Variants in VAC14 observed in about 807,000 individuals in gnomAD.
VAC14 encodes VAC14 component of PIKFYVE complex.
A neutral mutation model predicts 85.3 loss-of-function variants in VAC14; 47 were observed. That is an observed-to-expected ratio of 0.55 (90% confidence interval 0.44 to 0.70). The LOEUF (loss-of-function observed/expected upper bound fraction) is 0.70, where lower values mean the gene tolerates loss of function less well. VAC14 is among the 30% of genes least tolerant of loss of function. The pLI, the probability that VAC14 is intolerant of heterozygous loss-of-function variation, is 0.00. For missense variants in VAC14, 861 were observed against 1,004.3 expected (o/e 0.86, Z 1.93); for synonymous variants, 447 against 430.5 (o/e 1.04, Z -0.47).
chr16:70,726,061 A>G (rs2054419234), intron 14 of VAC14, among the ~76,000 whole-genome samples: 1 of 152,274 alleles, frequency 6.6e-6, no homozygotes, highest in Admixed American at 6.5e-5. Context: ...TTCCCAGCAC[A>G]GAAGCAGGCC....
intron 12 of VAC14, among the ~76,000 whole-genome samples, chr16:70,758,751 C>G (rs758906464): frequency 9.2e-5 from 14 of 152,198 alleles, no homozygotes; most frequent in Admixed American, 2.6e-4. Context: ...GAGCACGCAC[C>G]CTGCATTCTG....
chr16:70,711,882 G>A (rs1406252657), intron 14 of VAC14, among the ~76,000 whole-genome samples: 1 of 152,206 alleles, frequency 6.6e-6, no homozygotes, highest in Admixed American at 6.5e-5. Context: ...ATACTCACCA[G>A]TGGTAACAAA....
chr16:70,731,809 C>A (rs2054600305), intron 13 of VAC14, among the ~76,000 whole-genome samples, 182 bp from the exon 14 acceptor site: 1 of 151,962 alleles, frequency 6.6e-6, no homozygotes, highest in Non-Finnish European at 1.5e-5. Context: ...CAAGTCTGCA[C>A]AAGCAAATAC....
At chr16:70,693,833 G>A (rs2053649374) in intron 17 of VAC14, among the ~76,000 whole-genome samples, 1 of 152,222 alleles carries the variant, frequency 6.6e-6, no homozygotes, top group Non-Finnish European at 1.5e-5. Flanking sequence ...TTTGGGAGAG[G>A]GACTATGTCA....
chr16:70,780,293 G>C (rs1453103016), intron 9 of VAC14, among the ~76,000 whole-genome samples: 1 of 152,118 alleles, frequency 6.6e-6, no homozygotes, highest in African/African-American at 2.4e-5. Flanking sequence ...ATAAATCGAA[G>C]CTAGAGCTTT....
intron 14 of VAC14, among the ~76,000 whole-genome samples, chr16:70,721,089 G>C (rs1014632880): frequency 7.9e-5 from 12 of 152,346 alleles, no homozygotes; most frequent in African/African-American, 2.9e-4. Flanking sequence ...TTGAGCAAGA[G>C]TCAAAAGGGA....
chr16:70,708,221 A>C (rs2053959854), intron 14 of VAC14, among the ~76,000 whole-genome samples: 1 of 151,910 alleles, frequency 6.6e-6, no homozygotes, highest in African/African-American at 2.4e-5. Context: ...GCTAGTTCCC[A>C]CCAATTTCCT....
At chr16:70,776,523 G>C (rs61075342) in intron 9 of VAC14, among the ~76,000 whole-genome samples, 7,806 of 152,186 alleles carry the variant, frequency 0.051, 570 homozygotes, top group African/African-American at 0.16. Context: ...ACTCTTTAAT[G>C]ACAAAATACA....
Position 70,690,171 on chromosome 16 carries a change from G to A in VAC14, c.2187-2081C>T, listed in dbSNP as rs1360758880. The stretch of plus-strand genomic sequence containing the variant: ...GAAGAGTGGGCCACATCTGCTCCCT[G>A]GGCCCTTAGGGTGGCAAGAAGTCCT... On this transcript the variant is annotated intron_variant, in intron 18 of 18. Coordinates refer to ENST00000261776, the MANE Select transcript of VAC14 (RefSeq NM_018052.5). 19 of 985,370 alleles carry A rather than the reference G, an allele frequency of 1.9e-5. No homozygotes were observed. In the South Asian group the frequency reaches 2.3e-4, roughly 12 times the overall value. 61.0% of individuals were successfully genotyped at this position (985,370 alleles called of 1,614,324 possible).
rs565705383 is a variant in VAC14 at position 70,687,517 on chromosome 16, A to T, written c.*411T>A. The T allele has an allele frequency of 1.3e-3, 185 of 140,252 alleles. 1 individual carries two copies. The highest frequency in any genetic ancestry group is 4.7e-3 in the African/African-American group (178 of 37,508). The allele number at this position is 140,252 out of a possible 1,614,324, so 8.7% of individuals were successfully genotyped here. A position where few individuals can be genotyped will look rare whatever the true frequency, so the allele number is the denominator to read the frequency against. ...GATCTTTGTGCTGGTGCCTACGTGC[A>T]TACAAGTACACACACACACACACAC... On this transcript the variant is annotated 3_prime_UTR_variant, in exon 19 of 19. Coordinates refer to ENST00000261776, the MANE Select transcript of VAC14 (RefSeq NM_018052.5).
At chr16:70,800,704 A>G in intron 1 of VAC14, 93 bp downstream of exon 1, 1 of 1,155,648 alleles carries the variant, frequency 8.7e-7, no homozygotes, top group Non-Finnish European at 1.3e-6. Context: ...AAACCTGGGA[A>G]AGTAACCCTG....
chr16:70,719,039 T>C (rs1394757275), intron 14 of VAC14, among the ~76,000 whole-genome samples: 1 of 152,190 alleles, frequency 6.6e-6, no homozygotes, highest in Non-Finnish European at 1.5e-5. Context: ...GTAAGATTAG[T>C]GGTTCCCAGC....
At chr16:70,689,941 C>T in intron 18 of VAC14, 6 of 985,518 alleles carry the variant, frequency 6.1e-6, no homozygotes, top group Non-Finnish European at 4.8e-6. Flanking sequence ...CTCCTCTAAC[C>T]CACTTAGGCC....
chr16:70,776,544 C>A (rs889923534), intron 9 of VAC14, among the ~76,000 whole-genome samples: 19 of 152,190 alleles, frequency 1.2e-4, no homozygotes, highest in Admixed American at 3.3e-4. Flanking sequence ...TTGCAAATAT[C>A]TTCTCCCAGT....
chr16:70,699,236 C>A (rs1461129754), intron 14 of VAC14: 1 of 200,106 alleles, frequency 5.0e-6, no homozygotes, highest in African/African-American at 2.3e-5. Flanking sequence ...CTTCATCCAG[C>A]CAATTCTCCA....
At chr16:70,698,468 C>T (rs998656000) in intron 15 of VAC14, among the ~76,000 whole-genome samples, 169 bp downstream of exon 15, 11 of 152,204 alleles carry the variant, frequency 7.2e-5, no homozygotes, top group Admixed American at 2.6e-4. Context: ...TAGTGCTGCG[C>T]AGCCACTCAC....
At position 70,783,044 on chromosome 16, in the gene VAC14, C is replaced by A; in HGVS notation, c.800G>T (p.Cys267Phe). ...AEMANILVIH[C>F]QTTDDLIQLT... is the part of the protein sequence containing the mutation. Reference sequence around the variant, plus strand: ...CCCCCAATACTCACCTGTTGTCTGGCAGTGGATCACCAGGATGTTGGCCAT... The same window carrying A: ...CCCCCAATACTCACCTGTTGTCTGGAAGTGGATCACCAGGATGTTGGCCAT... Residue 267 changes from cysteine (C) to phenylalanine (F), a missense_variant, in exon 7 of 19, where the codon TGC (cysteine) becomes TTC (phenylalanine). Cys to Phe is a radical substitution (Grantham distance 205). This residue lies in a region of VAC14 where 629 missense variants were observed against 703.1 expected (regional missense o/e 0.89). Coordinates refer to ENST00000261776, the MANE Select transcript of VAC14 (RefSeq NM_018052.5). 1 of 1,614,064 alleles carries A rather than the reference C, an allele frequency of 6.2e-7. No homozygotes were observed. Among genetic ancestry groups the A allele is most frequent in the Non-Finnish European group, 8.5e-7 (1 of 1,179,940 alleles).
At chr16:70,800,727 T>C in intron 1 of VAC14, 70 bp downstream of exon 1, 3 of 1,395,832 alleles carry the variant, frequency 2.1e-6, no homozygotes, top group East Asian at 4.8e-5. Context: ...TGGGAAGGCG[T>C]GAGAAGTCCC....
intron 14 of VAC14, among the ~76,000 whole-genome samples, chr16:70,711,209 G>A (rs1472448055): frequency 6.6e-6 from 1 of 152,226 alleles, no homozygotes; most frequent in Non-Finnish European, 1.5e-5. Context: ...GGAGGTCCAC[G>A]ATCTGTACTC....
Sources: gnomAD v4.1 joint callset for allele counts (sites outside exome capture counted in the v4.1 genomes callset) on GRCh38, gnomAD v4.1.1 for gene constraint, gnomAD v4.1.1 regional missense constraint, MANE v1.5 for transcripts, NCBI Gene and HGNC (gene_info 2026-07-23, HGNC 2026-07-21) for gene names.